HNRNPM: variants seen among roughly 807,000 people sequenced by gnomAD.
HNRNPM encodes the protein CEA receptor.
A neutral mutation model predicts 73.1 loss-of-function variants in HNRNPM; 11 were observed. That is an observed-to-expected ratio of 0.15 (90% CI 0.09 to 0.25). The LOEUF (loss-of-function observed/expected upper bound fraction) is 0.25. Ranked by LOEUF, HNRNPM falls within the 10% of genes least tolerant of loss-of-function variation. The pLI is 1.00. For synonymous variants in HNRNPM, 407 were observed against 355.2 expected (o/e 1.15, Z -1.64); for missense variants, 789 against 1,067.9 (o/e 0.74, Z 3.64).
At chr19:8,464,277 C>T (rs1969590032) in intron 5 of HNRNPM, among the ~76,000 whole-genome samples, 2 of 151,740 alleles carry the variant, frequency 1.3e-5, no homozygotes, top group Non-Finnish European at 2.9e-5. Context: ...TGTTATTCCT[C>T]AAACCTGCTT....
chr19:8,474,310 T>C, intron 12 of HNRNPM, 66 bp downstream of exon 12: 2 of 1,162,974 alleles, frequency 1.7e-6, no homozygotes, highest in Non-Finnish European at 2.4e-6. Context: ...CAGGTGACTT[T>C]TAGGCTGCAG....
At chr19:8,486,496 C>A in intron 14 of HNRNPM, 91 bp downstream of exon 14, 1 of 1,121,918 alleles carries the variant, frequency 8.9e-7, no homozygotes, top group East Asian at 2.4e-5. Flanking sequence ...AGGTGGCGCC[C>A]TTCAAAGGGG....
chr19:8,458,320 G>C (rs2145640347), intron 2 of HNRNPM, among the ~76,000 whole-genome samples: 1 of 152,316 alleles, frequency 6.6e-6, no homozygotes, highest in East Asian at 1.9e-4. Flanking sequence ...ACAGGCCACA[G>C]CTCCCCAGGT....
intron 7 of HNRNPM, among the ~76,000 whole-genome samples, chr19:8,466,729 G>A (rs1450850686): frequency 6.9e-6 from 1 of 145,852 alleles, no homozygotes; most frequent in African/African-American, 2.5e-5. Context: ...GGGAGGCTGA[G>A]GCACAAGAAT....
intron 1 of HNRNPM, among the ~76,000 whole-genome samples, chr19:8,448,056 T>G (rs17160491): frequency 0.23 from 35,088 of 152,058 alleles, 5,010 homozygotes; most frequent in East Asian, 0.49. Flanking sequence ...AACACTGAAG[T>G]TGCTATAGAG....
intron 1 of HNRNPM, chr19:8,445,445 G>A: frequency 9.0e-6 from 2 of 223,324 alleles, no homozygotes; most frequent in Non-Finnish European, 8.8e-6. Context: ...CTACCCGACC[G>A]CTCCCCGGGA....
chr19:8,455,307 T>A (rs1018391104), intron 1 of HNRNPM, 98 bp from the exon 2 acceptor site: 203 of 1,051,102 alleles, frequency 1.9e-4, no homozygotes, highest in Admixed American at 2.6e-4. Context: ...CATATGTAAC[T>A]TTGTGTGGAA....
In HNRNPM at chr19:8,462,429, C is replaced by A; in HGVS notation, c.284-100C>A. On this transcript the variant is annotated intron_variant, in intron 2 of 15. Coordinates refer to ENST00000325495, the MANE Select transcript of HNRNPM (RefSeq NM_005968.5). The surrounding 1 kb of genome is among the most constrained non-coding windows in gnomAD (Gnocchi z 4.5). ...AGTGTTTCTGGGCTTTCTTATAAGG[C>A]AGAGGCTCCATACAAGGTTGCTGAT... 1 of 971,026 alleles carries A rather than the reference C, an allele frequency of 1.0e-6. No homozygotes were observed. Among genetic ancestry groups the A allele is most frequent in the Non-Finnish European group, 1.7e-6 (1 of 596,358 alleles). 60.2% of individuals were successfully genotyped at this position (971,026 alleles called of 1,614,324 possible).
chr19:8,446,364 A>G (rs936797457), intron 1 of HNRNPM, among the ~76,000 whole-genome samples: 1 of 152,116 alleles, frequency 6.6e-6, no homozygotes, highest in African/African-American at 2.4e-5. Context: ...TAATGTGTGA[A>G]GCTTAGTTTA....
Position 8,465,433 on chromosome 19 carries a change from T to A in HNRNPM, c.548T>A (p.Ile183Asn). The A allele has an allele frequency of 6.2e-7, 1 of 1,613,792 alleles. No individual in the cohort carries two copies. Among genetic ancestry groups the A allele is most frequent in the Non-Finnish European group, 8.5e-7 (1 of 1,179,700 alleles). ...GPGMITIPPS[I>N]LNNPNIPNEI... ...GGAATGATTACTATCCCACCCAGTA[T>A]CCTAAATAATCCCAACATCCCAAAT... The change falls in exon 6 of 16, where the codon ATC (isoleucine) becomes AAC (asparagine). Residue 183 changes from isoleucine (I) to asparagine (N), a missense_variant. By Grantham distance (149) the Ile-to-Asn change is moderately radical (BLOSUM62 -3). Transcript: ENST00000325495.
intron 12 of HNRNPM, among the ~76,000 whole-genome samples, chr19:8,477,050 T>C (rs375798715): frequency 1.3e-4 from 20 of 152,300 alleles, no homozygotes; most frequent in East Asian, 7.7e-4. Context: ...ACATCTCTAA[T>C]GGAATTGCTT....
chr19:8,475,742 G>A (rs993235631), intron 12 of HNRNPM, among the ~76,000 whole-genome samples: 4 of 152,162 alleles, frequency 2.6e-5, no homozygotes, highest in Non-Finnish European at 5.9e-5. Flanking sequence ...TTTAAAAAAA[G>A]TTTCAGAAAT....
At chr19:8,458,051 A>G (rs1264057191) in intron 2 of HNRNPM, among the ~76,000 whole-genome samples, 2 of 152,226 alleles carry the variant, frequency 1.3e-5, no homozygotes, top group African/African-American at 2.4e-5. Context: ...TTCTGTCATT[A>G]TAGCACTATC....
Position 8,486,114 on chromosome 19 carries a change from TCTGGAGCGGATGGGC to T in HNRNPM, c.1695_1709del (p.Leu568_Gly572del), listed in dbSNP as rs1384565621. ...GCCTGGAGCGCATGGGCGCCAACAA[TCTGGAGCGGATGGGC>T]CTGGAGCGCATGGGCGCCAACAGCC... On this transcript the variant is annotated inframe_deletion, in exon 14 of 16. Coordinates refer to ENST00000325495, the MANE Select transcript of HNRNPM (RefSeq NM_005968.5). 8.1e-6 allele frequency: 13 copies of T among 1,603,540 alleles called. No homozygotes were observed. The highest frequency in any genetic ancestry group is 1.7e-5 in the Admixed American group (1 of 59,738).
chr19:8,452,866 G>A (rs568884900), intron 1 of HNRNPM, among the ~76,000 whole-genome samples: 1 of 152,022 alleles, frequency 6.6e-6, no homozygotes, highest in African/African-American at 2.4e-5. Flanking sequence ...TTTGAGACAG[G>A]GTCTTGCTTT....
chr19:8,447,975 G>A (rs1051520116), intron 1 of HNRNPM, among the ~76,000 whole-genome samples: 2 of 152,124 alleles, frequency 1.3e-5, no homozygotes, highest in African/African-American at 2.4e-5. Flanking sequence ...GCAGTGAGCC[G>A]AGATTGGGCC....
At chr19:8,483,133 T>A in intron 12 of HNRNPM, 25 bp from the exon 13 acceptor site, 10 of 1,567,454 alleles carry the variant, frequency 6.4e-6, no homozygotes, top group Non-Finnish European at 8.8e-6. Flanking sequence ...TTTGGCTAAT[T>A]TTTTTTTCTT....
At chr19:8,486,542 G>A (rs1971324499) in intron 14 of HNRNPM, 137 bp downstream of exon 14, 1 of 705,194 alleles carries the variant, frequency 1.4e-6, no homozygotes, top group Admixed American at 2.9e-5. Context: ...AACGTTTTAT[G>A]CTAGTGGGAC....
intron 1 of HNRNPM, among the ~76,000 whole-genome samples, chr19:8,450,523 C>T (rs1228872831): frequency 1.3e-5 from 2 of 151,846 alleles, no homozygotes; most frequent in East Asian, 1.9e-4. Flanking sequence ...GATCCTTCCA[C>T]CTCAGCCTTC....
Sources: gnomAD v4.1 joint callset for allele counts (sites outside exome capture counted in the v4.1 genomes callset) on GRCh38, gnomAD v4.1.1 for gene constraint, Gnocchi (gnomAD v3.1) non-coding constraint, MANE v1.5 for transcripts, NCBI Gene and HGNC (gene_info 2026-07-23, HGNC 2026-07-21) for gene names.